The following ZNF831 variants were observed in gnomAD, a reference collection of about 807,000 sequenced individuals.
The protein encoded by ZNF831 is zinc finger protein 831, also known as chromosome 20 open reading frame 174.
Under a neutral mutation model 95.8 loss-of-function variants are expected in ZNF831, and 59 were observed. The observed-to-expected ratio is 0.62, with a 90% CI of 0.50 to 0.77. The LOEUF is 0.77. Among genes scored for constraint, ZNF831 ranks in the 30% least tolerant of loss-of-function variants. The probability of loss-of-function intolerance (pLI) is 0.00; values close to 1 mark genes in which losing one functional copy is unlikely to be tolerated. For synonymous variants in ZNF831, 961 were observed against 925.5 expected, an observed-to-expected ratio of 1.04 and a Z score of -0.70; for missense variants, 2,205 against 2,164.0, an observed-to-expected ratio of 1.02 and a Z score of -0.38.
chr20:59,221,289 G>A (rs1188381784), intron 4 of ZNF831, among the ~76,000 whole-genome samples: 6 of 152,200 alleles, frequency 3.9e-5, no homozygotes, highest in Non-Finnish European at 8.8e-5. Flanking sequence ...CCTTGAGTTT[G>A]TGCTACATGC....
intron 4 of ZNF831, among the ~76,000 whole-genome samples, chr20:59,231,075 G>A (rs555827243): frequency 4.6e-5 from 7 of 152,156 alleles, no homozygotes; most frequent in Non-Finnish European, 8.8e-5. Flanking sequence ...CTGAAAGAAA[G>A]AAGAAAAGAG....
chr20:59,222,282 C>G (rs1438478903), intron 4 of ZNF831, among the ~76,000 whole-genome samples: 1 of 152,180 alleles, frequency 6.6e-6, no homozygotes, highest in Non-Finnish European at 1.5e-5. Context: ...CTGCAGGGTG[C>G]CCGGGCGGGC....
intron 5 of ZNF831, 29 bp from the exon 6 acceptor site, chr20:59,253,869 C>CGG: frequency 9.4e-7 from 1 of 1,067,574 alleles, no homozygotes; most frequent in Non-Finnish European, 1.2e-6. Context: ...TCCCCCCCCA[C>CGG]TTTTTTTTTC....
chr20:59,205,411 T>C lies in ZNF831; in HGVS notation c.3876-1494T>C, dbSNP rs569131412. Among the ~76,000 whole-genome samples, 48 of 151,454 alleles carry C rather than the reference T, an allele frequency of 3.2e-4. 2 individuals carry two copies. The South Asian group carries it at 9.4e-3, about 30-fold the overall frequency. ...CCTCCCCCACCAAACTAACCTCCCC[T>C]CCCCCCAGCCGGGGAATGACAGCTC... On this transcript the variant is annotated intron_variant, in intron 3 of 5. Coordinates refer to ENST00000371030, the MANE Select transcript of ZNF831 (RefSeq NM_178457.3).
chr20:59,139,015 T>C (rs1324392260), intron 1 of ZNF831, among the ~76,000 whole-genome samples: 7 of 152,226 alleles, frequency 4.6e-5, no homozygotes, highest in African/African-American at 1.7e-4. Flanking sequence ...CCTTCTCTTT[T>C]TTTTTTGACA....
intron 4 of ZNF831, among the ~76,000 whole-genome samples, chr20:59,247,702 T>C (rs1171750537): frequency 6.6e-6 from 1 of 152,238 alleles, no homozygotes. Flanking sequence ...GCAGCTTGCT[T>C]AGAAGGTTGA....
At chr20:59,245,265 G>A (rs901711791) in intron 4 of ZNF831, among the ~76,000 whole-genome samples, 10 of 152,208 alleles carry the variant, frequency 6.6e-5, no homozygotes, top group African/African-American at 2.4e-4. Context: ...ATGTTTGAAA[G>A]CATGTGAAAT....
At chr20:59,245,891 G>A (rs1987572443) in intron 4 of ZNF831, among the ~76,000 whole-genome samples, 1 of 152,216 alleles carries the variant, frequency 6.6e-6, no homozygotes, top group Non-Finnish European at 1.5e-5. Flanking sequence ...CAGAAATGGA[G>A]AGACAACGGT....
intron 1 of ZNF831, among the ~76,000 whole-genome samples, chr20:59,143,868 C>T (rs1003694784): frequency 3.3e-5 from 5 of 152,208 alleles, no homozygotes; most frequent in Admixed American, 1.3e-4. Flanking sequence ...TCAGCATGAC[C>T]GTTAGCCTCC....
chr20:59,194,084 T>TC lies in ZNF831; in HGVS notation c.3065_3066insC (p.Leu1022PhefsTer12). ...CAGGATGGGAGAAAAGGGGCACAGT[T>TC]GGGGGGGGACAAGGGGGACAGGATG... is the stretch of plus-strand genomic sequence containing the variant. On this transcript the variant is annotated frameshift_variant, in exon 2 of 6. Coordinates refer to ENST00000371030, the MANE Select transcript of ZNF831 (RefSeq NM_178457.3). LOFTEE classifies it high-confidence loss of function. 1 of 1,537,370 alleles carries TC rather than the reference T, an allele frequency of 6.5e-7. No homozygotes were observed.
At chr20:59,197,774 G>A (rs1327067734) in intron 3 of ZNF831, among the ~76,000 whole-genome samples, 8 of 152,204 alleles carry the variant, frequency 5.3e-5, no homozygotes, top group Admixed American at 1.3e-4. Context: ...GGTGGTGTGG[G>A]AAGGACAGTC....
At position 59,194,328 on chromosome 20, in the gene ZNF831, G is replaced by C; in HGVS notation, c.3309G>C (p.Leu1103=). The stretch of plus-strand genomic sequence containing the variant: ...ATCCCTGGGTACCCAACTGGGAGCT[G>C]GGGGAGCCTCCTGGGAATGCCCCAG... ...VLNPWVPNWE[L]GEPPGNAPED... Residue 1103 remains leucine, a synonymous_variant, in exon 2 of 6, where the codon CTG becomes CTC. Transcript: ENST00000371030. 6.2e-7 allele frequency: 1 copy of C among 1,613,520 alleles called. No homozygotes were observed. The highest frequency in any genetic ancestry group is 8.5e-7 in the Non-Finnish European group (1 of 1,179,862).
chr20:59,177,446 G>T (rs1386423179), intron 1 of ZNF831, among the ~76,000 whole-genome samples: 1 of 152,210 alleles, frequency 6.6e-6, no homozygotes, highest in Admixed American at 6.5e-5. Context: ...TGCACTGGCT[G>T]TTTGCATCCA....
At chr20:59,148,508 C>T (rs1479064205) in intron 2 of ZNF831, among the ~76,000 whole-genome samples, 3 of 123,366 alleles carry the variant, frequency 2.4e-5, no homozygotes, top group Non-Finnish European at 3.6e-5. Flanking sequence ...GGTGAAACCC[C>T]GTCTCTACTA....
At chr20:59,154,724 G>A (rs1316328822) in intron 2 of ZNF831, among the ~76,000 whole-genome samples, 1 of 152,224 alleles carries the variant, frequency 6.6e-6, no homozygotes, top group Non-Finnish European at 1.5e-5. Context: ...TGAGCCTTCT[G>A]CTGGTTTCTG....
At chr20:59,216,298 G>C (rs1427416012) in intron 4 of ZNF831, among the ~76,000 whole-genome samples, 2 of 152,184 alleles carry the variant, frequency 1.3e-5, no homozygotes, top group African/African-American at 4.8e-5. Flanking sequence ...ATTGACTGCA[G>C]AGGCCATGGG....
intron 3 of ZNF831, among the ~76,000 whole-genome samples, chr20:59,205,041 T>C (rs948050216): frequency 1.3e-5 from 2 of 152,180 alleles, no homozygotes; most frequent in African/African-American, 2.4e-5. Flanking sequence ...GGGCCTTTCC[T>C]AGCTCTCTCC....
intron 1 of ZNF831, among the ~76,000 whole-genome samples, chr20:59,165,027 C>A (rs1319872289): frequency 6.6e-6 from 1 of 152,196 alleles, no homozygotes; most frequent in Non-Finnish European, 1.5e-5. Context: ...TTTATTGCCC[C>A]AGCTAAGAGC....
At position 59,191,620 on chromosome 20, in the gene ZNF831, C is replaced by T. The variant is rs770129999; in HGVS notation, c.601C>T (p.Arg201Trp). 2 of 1,586,294 alleles carry T rather than the reference C, an allele frequency of 1.3e-6. No individual in the cohort carries two copies. Among genetic ancestry groups the T allele is most frequent in the Admixed American group, 1.7e-5 (1 of 57,770 alleles). The change falls in exon 2 of 6, where the codon CGG (arginine) becomes TGG (tryptophan). Residue 201 changes from arginine (R) to tryptophan (W), a missense_variant. Transcript: ENST00000371030. ...RRTQTHLNNS[R>W]LSSESEGAGG... ...GACGCAGACGCACCTCAACAACTCC[C>T]GGCTGTCCTCAGAGTCCGAGGGCGC...
Sources: allele counts gnomAD v4.1 joint callset (sites outside exome capture counted in the v4.1 genomes callset), GRCh38; gene constraint gnomAD v4.1.1; transcripts MANE v1.5; gene names NCBI Gene and HGNC (gene_info 2026-07-23, HGNC 2026-07-21).